Variants in RBFOX1 observed in about 807,000 individuals in gnomAD.
RBFOX1 encodes the protein RNA binding fox-1 homolog 1.
In RBFOX1, 8 loss-of-function variants were observed where a neutral mutation model predicts 57.7. The observed-to-expected ratio is 0.14, with a 90% CI of 0.08 to 0.25. RBFOX1 has a LOEUF of 0.25. Ranked by LOEUF, RBFOX1 falls within the 10% of genes least tolerant of loss-of-function variation. The pLI is 1.00. For missense variants in RBFOX1, 611 were observed against 548.5 expected (o/e 1.11, Z -1.14); for synonymous variants, 326 against 222.4 (o/e 1.47, Z -4.15).
chr16:5,687,487 G>C (rs532577343), intron 3 of RBFOX1, among the ~76,000 whole-genome samples: 1 of 152,318 alleles, frequency 6.6e-6, no homozygotes, highest in Admixed American at 6.5e-5. Flanking sequence ...CAAAGATAAA[G>C]AGTCATTCTG....
At chr16:6,661,675 C>A (rs1167146456) in intron 3 of RBFOX1, among the ~76,000 whole-genome samples, 1 of 152,186 alleles carries the variant, frequency 6.6e-6, no homozygotes, top group East Asian at 1.9e-4. Context: ...ATGCAGGAAG[C>A]TGAACACTTT....
At chr16:6,484,937 AG>A (rs1471726607) in intron 2 of RBFOX1, among the ~76,000 whole-genome samples, 7 of 152,168 alleles carry the variant, frequency 4.6e-5, no homozygotes, top group Non-Finnish European at 8.8e-5. Flanking sequence ...TCTCTTTAGT[AG>A]GGTAGCTGGG....
intron 4 of RBFOX1, among the ~76,000 whole-genome samples, chr16:7,342,150 A>G (rs954923040): frequency 2.0e-5 from 3 of 152,152 alleles, no homozygotes; most frequent in African/African-American, 7.2e-5. Context: ...GAGTCTGGCC[A>G]TTACTCTCTC....
At chr16:6,951,340 G>C (rs935711481) in intron 3 of RBFOX1, among the ~76,000 whole-genome samples, 1 of 152,010 alleles carries the variant, frequency 6.6e-6, no homozygotes, top group Non-Finnish European at 1.5e-5. Flanking sequence ...ATTGTCTGAG[G>C]GTATTCTGGC....
intron 2 of RBFOX1, among the ~76,000 whole-genome samples, chr16:6,453,553 A>G (rs1305097261): frequency 1.3e-5 from 2 of 149,478 alleles, no homozygotes; most frequent in African/African-American, 5.1e-5. Context: ...CCTACCAACC[A>G]AAAAAAAGCC....
chr16:6,327,927 G>T (rs2082565943), intron 2 of RBFOX1, among the ~76,000 whole-genome samples: 1 of 152,170 alleles, frequency 6.6e-6, no homozygotes, highest in African/African-American at 2.4e-5. Flanking sequence ...CGTGGTCCCA[G>T]TCTGCTTTTA....
At chr16:6,338,852 G>C (rs952409833) in intron 2 of RBFOX1, among the ~76,000 whole-genome samples, 2 of 152,178 alleles carry the variant, frequency 1.3e-5, no homozygotes, top group Non-Finnish European at 2.9e-5. Context: ...CTTTTATTTT[G>C]TGGTAGGTAC....
At chr16:6,845,798 T>C (rs542326178) in intron 3 of RBFOX1, among the ~76,000 whole-genome samples, 84 of 152,342 alleles carry the variant, frequency 5.5e-4, no homozygotes, top group African/African-American at 1.9e-3. Context: ...TAAGGCTCTT[T>C]CATATTTTAG....
intron 2 of RBFOX1, among the ~76,000 whole-genome samples, chr16:6,505,848 G>C (rs2096074007): frequency 6.6e-6 from 1 of 152,222 alleles, no homozygotes; most frequent in Non-Finnish European, 1.5e-5. Context: ...CCTACTCAGT[G>C]TTGGGGTAAG....
At chr16:5,949,694 G>T (rs2059480829) in intron 4 of RBFOX1, among the ~76,000 whole-genome samples, 1 of 152,006 alleles carries the variant, frequency 6.6e-6, no homozygotes, top group African/African-American at 2.4e-5. Flanking sequence ...CATTTGTTTT[G>T]TAGAACAGCA....
At position 5,756,065 on chromosome 16, in the gene RBFOX1, C is replaced by G. The variant is rs78629430; in HGVS notation, c.319-111238C>G. 4.8e-4 allele frequency among the ~76,000 whole-genome samples: 73 copies of G among 152,110 alleles called. 1 individual carries two copies. In the East Asian group the frequency reaches 0.013, roughly 27 times the overall value. On this transcript the variant is annotated intron_variant, in intron 3 of 19. Coordinates refer to the RBFOX1 transcript ENST00000641259. ...ATGAGAAATTCTTAAGCAGGTGATT[C>G]TCCTGTCTCTCCCAGTGCCTTCTAA...
intron 11 of RBFOX1, among the ~76,000 whole-genome samples, chr16:7,637,289 G>GA (rs201152552): frequency 0.073 from 10,985 of 150,258 alleles, 469 homozygotes; most frequent in African/African-American, 0.11. Context: ...AAAAAAGAAG[G>GA]AAAAAAAAGA....
chr16:7,165,434 T>C (rs1274349985), intron 4 of RBFOX1, among the ~76,000 whole-genome samples: 4 of 116,276 alleles, frequency 3.4e-5, no homozygotes, highest in Non-Finnish European at 5.3e-5. Flanking sequence ...TTATTATTAT[T>C]ATTTTACCAT....
intron 4 of RBFOX1, among the ~76,000 whole-genome samples, chr16:7,218,023 G>T (rs985614731): frequency 1.3e-5 from 2 of 151,772 alleles, no homozygotes; most frequent in South Asian, 2.1e-4. Context: ...TACGTGTGTG[G>T]GGTGTGTGCG....
chr16:6,450,752 TAC>T (rs1555480375), intron 2 of RBFOX1, among the ~76,000 whole-genome samples: 2 of 57,752 alleles, frequency 3.5e-5, no homozygotes, highest in African/African-American at 1.2e-4. Context: ...TATATATATA[TAC>T]ATATATATAT....
chr16:6,677,239 A>G (rs2057888426), intron 3 of RBFOX1, among the ~76,000 whole-genome samples: 3 of 152,212 alleles, frequency 2.0e-5, no homozygotes, highest in Non-Finnish European at 2.9e-5. Flanking sequence ...TCCGTGCTCT[A>G]GAGACCATAG....
In RBFOX1 at chr16:6,231,801, G is replaced by A. The variant is rs189179647; in HGVS notation, c.-126-85194G>A. ...GCACAATGTTTTCTATGGCTTTTAT[G>A]ACTAATTGGAAAAATTCTGTAGCTT... On this transcript the variant is annotated intron_variant, in intron 1 of 15. Coordinates refer to ENST00000550418, the MANE Select transcript of RBFOX1 (RefSeq NM_018723.4). 1.5e-4 allele frequency among the ~76,000 whole-genome samples: 21 copies of A among 144,774 alleles called. No homozygotes were observed. The East Asian group carries it at 4.0e-3, about 28-fold the overall frequency. 95.0% of individuals were successfully genotyped at this position (144,774 alleles called of 152,430 possible). A position where few individuals can be genotyped will look rare whatever the true frequency, so the allele number is the denominator to read the frequency against.
At chr16:7,621,663 A>AAATT (rs2059338124) in intron 10 of RBFOX1, among the ~76,000 whole-genome samples, 1 of 152,224 alleles carries the variant, frequency 6.6e-6, no homozygotes, top group African/African-American at 2.4e-5. Context: ...AAATGAAATA[A>AAATT]AATTAATTTT....
At chr16:6,576,193 G>T (rs1300800161) in intron 2 of RBFOX1, among the ~76,000 whole-genome samples, 1 of 152,110 alleles carries the variant, frequency 6.6e-6, no homozygotes, top group Non-Finnish European at 1.5e-5. Context: ...GCTTATTCCA[G>T]TTCAGGCTTT....
Sources: gnomAD v4.1 joint callset for allele counts (sites outside exome capture counted in the v4.1 genomes callset) on GRCh38, gnomAD v4.1.1 for gene constraint, MANE v1.5 for transcripts, NCBI Gene and HGNC (gene_info 2026-07-23, HGNC 2026-07-21) for gene names.